FAM135B: variants seen among roughly 807,000 people sequenced by gnomAD.
FAM135B encodes the protein family with sequence similarity 135 member B, also known as protein FAM135B.
A neutral mutation model predicts 127.7 loss-of-function variants in FAM135B; 43 were observed. That is an observed-to-expected ratio of 0.34 (90% CI 0.26 to 0.43). The LOEUF (loss-of-function observed/expected upper bound fraction) is 0.43, where lower values mean the gene tolerates loss of function less well. Ranked by LOEUF, FAM135B falls within the 20% of genes least tolerant of loss-of-function variation. The pLI is 1.00. For synonymous variants in FAM135B, 670 were observed against 665.1 expected (o/e 1.01, Z -0.11); for missense variants, 1,558 against 1,725.6 (o/e 0.90, Z 1.72).
At chr8:138,286,975 C>T (rs77187819) in intron 3 of FAM135B, among the ~76,000 whole-genome samples, 4 of 152,302 alleles carry the variant, frequency 2.6e-5, no homozygotes, top group Non-Finnish European at 4.4e-5. Context: ...GCTACAGCAT[C>T]GAGCAGTTGG....
At chr8:138,434,910 C>T (rs1727141713) in intron 1 of FAM135B, among the ~76,000 whole-genome samples, 1 of 152,198 alleles carries the variant, frequency 6.6e-6, no homozygotes, top group Non-Finnish European at 1.5e-5. Flanking sequence ...ATGTAATTCC[C>T]TGAGCAGTTC....
At chr8:138,386,622 G>A (rs1046515225) in intron 1 of FAM135B, among the ~76,000 whole-genome samples, 3 of 152,186 alleles carry the variant, frequency 2.0e-5, no homozygotes, top group Non-Finnish European at 4.4e-5. Flanking sequence ...TACTGGCCTA[G>A]ATATTAATCT....
chr8:138,457,673 A>G (rs1187727378), intron 1 of FAM135B, among the ~76,000 whole-genome samples: 1 of 152,192 alleles, frequency 6.6e-6, no homozygotes, highest in Admixed American at 6.5e-5. Context: ...CATTTCATAT[A>G]AAAAGTACAC....
chr8:138,444,714 T>A (rs953529072), intron 1 of FAM135B, among the ~76,000 whole-genome samples: 2 of 151,906 alleles, frequency 1.3e-5, no homozygotes, highest in Non-Finnish European at 2.9e-5. Context: ...GATCTAAAAT[T>A]GACACCCTAA....
At chr8:138,140,294 C>A (rs547022488) in intron 17 of FAM135B, among the ~76,000 whole-genome samples, 17 of 152,210 alleles carry the variant, frequency 1.1e-4, no homozygotes, top group Admixed American at 2.6e-4. Flanking sequence ...GGGACAGTGG[C>A]AGAGGCCTGG....
intron 1 of FAM135B, among the ~76,000 whole-genome samples, chr8:138,446,937 G>A (rs1587476970): frequency 6.6e-6 from 1 of 152,044 alleles, no homozygotes; most frequent in Admixed American, 6.6e-5. Flanking sequence ...AGAATCTACA[G>A]AGAACTCAAA....
intron 2 of FAM135B, among the ~76,000 whole-genome samples, chr8:138,318,285 T>G (rs4909416): frequency 2.0e-5 from 3 of 152,136 alleles, no homozygotes; most frequent in Non-Finnish European, 2.9e-5. Flanking sequence ...GAAAGGGACA[T>G]GAATCCCATC....
chr8:138,181,957 G>A (rs1252888552), intron 9 of FAM135B, among the ~76,000 whole-genome samples: 1 of 152,096 alleles, frequency 6.6e-6, no homozygotes, highest in Admixed American at 6.6e-5. Flanking sequence ...ACAGCTGATA[G>A]AGAGTGAGGG....
intron 1 of FAM135B, among the ~76,000 whole-genome samples, chr8:138,476,386 A>T (rs1162723014): frequency 1.3e-5 from 2 of 151,852 alleles, no homozygotes; most frequent in African/African-American, 4.8e-5. Flanking sequence ...TTGTCAGTGT[A>T]GGTTCATTAA....
chr8:138,362,944 G>A (rs967548596), intron 2 of FAM135B, among the ~76,000 whole-genome samples: 5 of 152,254 alleles, frequency 3.3e-5, no homozygotes, highest in Admixed American at 3.3e-4. Flanking sequence ...ATGTACAGAT[G>A]TGCCTTAGGA....
intron 5 of FAM135B, among the ~76,000 whole-genome samples, chr8:138,256,199 C>T (rs866154237): frequency 6.6e-6 from 1 of 151,962 alleles, no homozygotes; most frequent in Non-Finnish European, 1.5e-5. Context: ...AAAGCAGTTC[C>T]AAGAAAGAAG....
chr8:138,190,440 A>C (rs1288611755), intron 9 of FAM135B, among the ~76,000 whole-genome samples: 1 of 152,254 alleles, frequency 6.6e-6, no homozygotes. Flanking sequence ...CTGACAAAAC[A>C]GACTCCTTGT....
intron 1 of FAM135B, among the ~76,000 whole-genome samples, chr8:138,387,825 T>C (rs1212249634): frequency 6.6e-6 from 1 of 152,112 alleles, no homozygotes; most frequent in Non-Finnish European, 1.5e-5. Flanking sequence ...ACTCCTAAAA[T>C]ACCTTCACTA....
intron 2 of FAM135B, among the ~76,000 whole-genome samples, chr8:138,361,479 C>G (rs1830416346): frequency 6.6e-6 from 1 of 152,266 alleles, no homozygotes; most frequent in East Asian, 1.9e-4. Flanking sequence ...TGGGCACTGG[C>G]AATGCAAAGT....
chr8:138,487,490 A>G (rs936279556), intron 1 of FAM135B, among the ~76,000 whole-genome samples: 1 of 152,080 alleles, frequency 6.6e-6, no homozygotes, highest in African/African-American at 2.4e-5. Flanking sequence ...GGGGTGCTGT[A>G]CTTACATCTG....
At chr8:138,405,881 T>C (rs1454404728) in intron 1 of FAM135B, among the ~76,000 whole-genome samples, 1 of 151,938 alleles carries the variant, frequency 6.6e-6, no homozygotes, top group Non-Finnish European at 1.5e-5. Flanking sequence ...ACCTGTTGTT[T>C]CCTGACTTTT....
At chr8:138,351,428 G>A (rs569142744) in intron 2 of FAM135B, among the ~76,000 whole-genome samples, 1 of 152,272 alleles carries the variant, frequency 6.6e-6, no homozygotes, top group African/African-American at 2.4e-5. Flanking sequence ...GGCAGAAACT[G>A]TAGTAATGCA....
chr8:138,214,481 T>G (rs536088274), intron 7 of FAM135B, among the ~76,000 whole-genome samples: 60 of 152,298 alleles, frequency 3.9e-4, no homozygotes, highest in African/African-American at 1.4e-3. Context: ...CAGTTTAGCA[T>G]GTGAGGGAGC....
chr8:138,325,180 A>C (rs1827715306), intron 2 of FAM135B, among the ~76,000 whole-genome samples: 1 of 152,174 alleles, frequency 6.6e-6, no homozygotes, highest in African/African-American at 2.4e-5. Context: ...CTATAAATGA[A>C]AACACTGAGT....
Sources: allele counts gnomAD v4.1 joint callset (sites outside exome capture counted in the v4.1 genomes callset), GRCh38; gene constraint gnomAD v4.1.1; transcripts MANE v1.5; gene names NCBI Gene and HGNC (gene_info 2026-07-23, HGNC 2026-07-21).